EEF1AKMT1: variants seen among roughly 807,000 people sequenced by gnomAD.
The protein encoded by EEF1AKMT1 is EEF1A lysine methyltransferase 1.
A neutral mutation model predicts 21.0 loss-of-function variants in EEF1AKMT1; 18 were observed. That is an observed-to-expected ratio of 0.86 (90% confidence interval 0.59 to 1.27). The LOEUF (loss-of-function observed/expected upper bound fraction) is 1.27, where lower values mean the gene tolerates loss of function less well. Among genes scored for constraint, EEF1AKMT1 ranks in the 50% most tolerant of loss-of-function variants. The pLI is 0.00. For missense variants in EEF1AKMT1, 246 were observed against 258.6 expected (o/e 0.95, Z 0.33); for synonymous variants, 109 against 94.8 (o/e 1.15, Z -0.87).
chr13:20,730,453 C>A (rs1251206431), intron 4 of EEF1AKMT1, among the ~76,000 whole-genome samples: 1 of 152,150 alleles, frequency 6.6e-6, no homozygotes, highest in African/African-American at 2.4e-5. Flanking sequence ...GGTGTGGACA[C>A]CACAGGTACC....
chr13:20,748,712 GTTGTTTTTTT>G (rs1417608174), intron 2 of EEF1AKMT1, among the ~76,000 whole-genome samples: 1,639 of 115,490 alleles, frequency 0.014, 69 homozygotes, highest in Middle Eastern at 0.025. Context: ...CTAATGTATA[GTTGTTTTTTT>G]TTGGTTTTTT....
intron 2 of EEF1AKMT1, among the ~76,000 whole-genome samples, chr13:20,755,888 A>C (rs1194112397): frequency 6.6e-6 from 1 of 152,238 alleles, no homozygotes; most frequent in Admixed American, 6.5e-5. Context: ...TTAAAAATTA[A>C]GCAGAAGGAA....
intron 2 of EEF1AKMT1, among the ~76,000 whole-genome samples, chr13:20,753,502 A>G (rs1439373046): frequency 6.6e-6 from 1 of 152,184 alleles, no homozygotes; most frequent in African/African-American, 2.4e-5. Flanking sequence ...TTCTATGTAG[A>G]TGATCTATCT....
In EEF1AKMT1 at chr13:20,732,080, C is replaced by CT; in HGVS notation, c.268dup (p.Arg90LysfsTer14). 3 of 1,613,884 alleles carry CT rather than the reference C, an allele frequency of 1.9e-6. 1 individual carries two copies. The South Asian group carries it at 3.3e-5, about 18-fold the overall frequency. ...CGAAAAGTTTTCTCTGCACAGCTCT[C>CT]TGAGTTTCTGGTAAACACTAGGGGC... On this transcript the variant is annotated frameshift_variant, in exon 4 of 5. Transcript: ENST00000382758.
chr13:20,745,041 T>C (rs552218194), intron 2 of EEF1AKMT1, among the ~76,000 whole-genome samples: 1 of 152,240 alleles, frequency 6.6e-6, no homozygotes, highest in Admixed American at 6.5e-5. Flanking sequence ...TCCATTGGTC[T>C]ATATATCTGT....
At chr13:20,751,996 G>A (rs2141427511) in intron 2 of EEF1AKMT1, among the ~76,000 whole-genome samples, 1 of 152,156 alleles carries the variant, frequency 6.6e-6, no homozygotes, top group South Asian at 2.1e-4. Context: ...TGTTGATTTT[G>A]TATCCTGCAA....
intron 1 of EEF1AKMT1, among the ~76,000 whole-genome samples, chr13:20,763,026 T>C (rs955266126): frequency 6.6e-6 from 1 of 152,226 alleles, no homozygotes; most frequent in Admixed American, 6.5e-5. Context: ...ATTCTTCTTA[T>C]GTATTGCTAA....
intron 2 of EEF1AKMT1, among the ~76,000 whole-genome samples, chr13:20,742,607 T>A (rs2058878111): frequency 6.6e-6 from 1 of 152,238 alleles, no homozygotes. Context: ...GCTGATACTT[T>A]ACCAATTACA....
At chr13:20,751,511 G>T (rs1198810276) in intron 2 of EEF1AKMT1, among the ~76,000 whole-genome samples, 1 of 152,092 alleles carries the variant, frequency 6.6e-6, no homozygotes, top group Non-Finnish European at 1.5e-5. Flanking sequence ...TGTTCCATTG[G>T]TCTATGTGTC....
intron 4 of EEF1AKMT1, among the ~76,000 whole-genome samples, chr13:20,731,091 C>A (rs750620585): frequency 1.3e-5 from 2 of 152,184 alleles, no homozygotes; most frequent in Non-Finnish European, 2.9e-5. Flanking sequence ...GTCAGTGAGA[C>A]CAAGAACCGA....
intron 3 of EEF1AKMT1, among the ~76,000 whole-genome samples, chr13:20,737,398 T>C (rs1566528317): frequency 6.6e-6 from 1 of 152,064 alleles, no homozygotes; most frequent in Admixed American, 6.5e-5. Flanking sequence ...CATATATACA[T>C]ATCAAATTAA....
chr13:20,752,051 T>C (rs751369698), intron 2 of EEF1AKMT1, among the ~76,000 whole-genome samples: 35 of 152,164 alleles, frequency 2.3e-4, no homozygotes, highest in Non-Finnish European at 3.2e-4. Flanking sequence ...CTGGAGTCTT[T>C]AGGTTTCTCT....
At position 20,769,525 on chromosome 13, in the gene EEF1AKMT1, C is replaced by T. The variant is rs73167431; in HGVS notation, c.-20+4396G>A. 6.2e-3 allele frequency: 944 copies of T among 152,266 alleles called. 5 individuals are homozygous for T. The highest frequency in any genetic ancestry group is 0.01 in the Non-Finnish European group (711 of 68,034). The allele number at this position is 152,266 out of a possible 1,614,324, so 9.4% of individuals were successfully genotyped here. A position where few individuals can be genotyped will look rare whatever the true frequency, so the allele number is the denominator to read the frequency against. The stretch of plus-strand genomic sequence containing the variant: ...AGACATTCAAACACAACTGCATATA[C>T]AGGGGAATTTAGAAAGCCATTACAC... On this transcript the variant is annotated intron_variant, in intron 1 of 4. Coordinates refer to ENST00000382758, the MANE Select transcript of EEF1AKMT1 (RefSeq NM_001318939.2).
intron 3 of EEF1AKMT1, among the ~76,000 whole-genome samples, chr13:20,736,106 T>C (rs1464910933): frequency 6.6e-6 from 1 of 152,210 alleles, no homozygotes; most frequent in African/African-American, 2.4e-5. Flanking sequence ...TGAGGATGAA[T>C]GGGCCCTCTA....
chr13:20,749,607 T>C (rs906983074), intron 2 of EEF1AKMT1, among the ~76,000 whole-genome samples: 3 of 152,056 alleles, frequency 2.0e-5, no homozygotes, highest in Non-Finnish European at 4.4e-5. Flanking sequence ...TTGGGTGTGG[T>C]AGTATGTGTA....
rs186906693 is a variant in EEF1AKMT1 at position 20,728,938 on chromosome 13, C to T, written c.*142G>A. 4.9e-4 allele frequency: 522 copies of T among 1,064,744 alleles called. 4 individuals are homozygous for T. Among genetic ancestry groups the T allele is most frequent in the South Asian group, 1.7e-3 (110 of 66,384 alleles). The allele number at this position is 1,064,744 out of a possible 1,614,324, so 66.0% of individuals were successfully genotyped here. On this transcript the variant is annotated 3_prime_UTR_variant, in exon 5 of 5. Transcript: ENST00000382758. ...TCCCTAAGGAAACAATAATGAAGATCGCACACTTTATTTTGAAAACCAGGC... is the reference window on the plus strand; with the variant it reads ...TCCCTAAGGAAACAATAATGAAGATTGCACACTTTATTTTGAAAACCAGGC...
At chr13:20,734,034 T>A (rs1209579181) in intron 3 of EEF1AKMT1, among the ~76,000 whole-genome samples, 1 of 152,148 alleles carries the variant, frequency 6.6e-6, no homozygotes, top group Non-Finnish European at 1.5e-5. Context: ...CAACTCTCCC[T>A]GCACAGCAGC....
intron 2 of EEF1AKMT1, among the ~76,000 whole-genome samples, chr13:20,739,007 C>T (rs974990128): frequency 2.0e-5 from 3 of 152,110 alleles, no homozygotes; most frequent in African/African-American, 7.2e-5. Flanking sequence ...AGATAGTGTG[C>T]CCAGAGTTCC....
intron 1 of EEF1AKMT1, among the ~76,000 whole-genome samples, chr13:20,772,675 C>T (rs2059068493): frequency 6.6e-6 from 1 of 152,024 alleles, no homozygotes; most frequent in East Asian, 1.9e-4. Context: ...TCAACTCGGC[C>T]TCAGGAAAAG....
Sources: allele counts gnomAD v4.1 joint callset (sites outside exome capture counted in the v4.1 genomes callset), GRCh38; gene constraint gnomAD v4.1.1; transcripts MANE v1.5; gene names NCBI Gene and HGNC (gene_info 2026-07-23, HGNC 2026-07-21).